TJP2: variants seen among roughly 807,000 people sequenced by gnomAD.
The protein encoded by TJP2 is Friedreich ataxia region gene X104 (tight junction protein ZO-2).
In TJP2, 91 loss-of-function variants were observed where a neutral mutation model predicts 133.1. The ratio of observed to expected loss-of-function variants is 0.68; its 90% confidence interval spans 0.58 to 0.81. The LOEUF (loss-of-function observed/expected upper bound fraction) is 0.81, where lower values mean the gene tolerates loss of function less well. Ranked by LOEUF, TJP2 falls within the 40% of genes least tolerant of loss-of-function variation. The pLI is 0.00. For synonymous variants in TJP2, 592 were observed against 583.4 expected (o/e 1.01, Z -0.21); for missense variants, 1,541 against 1,565.6 (o/e 0.98, Z 0.26).
At chr9:69,228,232 T>G in intron 9 of TJP2, 118 bp downstream of exon 9, 1 of 1,251,018 alleles carries the variant, frequency 8.0e-7, no homozygotes, top group Non-Finnish European at 1.1e-6. Flanking sequence ...TGGAGGCCAT[T>G]ATCCTAAGCT....
Position 69,248,102 on chromosome 9 carries a change from A to C in TJP2, c.2758A>C (p.Ser920Arg). 1.2e-6 allele frequency: 2 copies of C among 1,614,178 alleles called. No individual in the cohort carries two copies. Among genetic ancestry groups the C allele is most frequent in the Non-Finnish European group, 1.7e-6 (2 of 1,180,022 alleles). Residue 920 changes from serine to arginine, a missense_variant, in exon 19 of 23, where the codon AGT becomes CGT. Coordinates refer to ENST00000377245, the MANE Select transcript of TJP2 (RefSeq NM_004817.4). ...DYLSCDSRLI[S>R]DFEDTDGEGG... is the part of the protein sequence containing the mutation. ...TCTGAGTTGCGACAGCCGCCTCATCAGTGACTTTGAAGACACGGACGGTGA... is the reference window on the plus strand; with the variant it reads ...TCTGAGTTGCGACAGCCGCCTCATCCGTGACTTTGAAGACACGGACGGTGA...
chr9:69,164,134 C>T (rs939952497), intron 2 of TJP2, among the ~76,000 whole-genome samples: 8 of 152,162 alleles, frequency 5.3e-5, no homozygotes, highest in Non-Finnish European at 1.2e-4. Context: ...AGGCCAGTTT[C>T]CTTTGTTTAA....
intron 1 of TJP2, among the ~76,000 whole-genome samples, chr9:69,183,824 TCC>T (rs1388684041): frequency 6.6e-6 from 1 of 152,186 alleles, no homozygotes; most frequent in African/African-American, 2.4e-5. Flanking sequence ...GACCTGTGCC[TCC>T]CAGGTTCAAG....
chr9:69,180,576 G>A (rs1454081977), intron 1 of TJP2, among the ~76,000 whole-genome samples: 1 of 152,132 alleles, frequency 6.6e-6, no homozygotes, highest in African/African-American at 2.4e-5. Context: ...TGAGACCCTG[G>A]GTGGAGCTCT....
chr9:69,131,965 C>G (rs1420041811), intron 1 of TJP2, among the ~76,000 whole-genome samples: 1 of 152,176 alleles, frequency 6.6e-6, no homozygotes, highest in Non-Finnish European at 1.5e-5. Flanking sequence ...CTCAAAGATG[C>G]AAAGCAAAAT....
chr9:69,206,294 C>A (rs559749219), intron 1 of TJP2, among the ~76,000 whole-genome samples: 1 of 152,128 alleles, frequency 6.6e-6, no homozygotes, highest in Non-Finnish European at 1.5e-5. Flanking sequence ...CACCTCCCCC[C>A]ACAACTCCCC....
chr9:69,167,865 CAAAA>C (rs33986127), intron 2 of TJP2, among the ~76,000 whole-genome samples: 12 of 128,946 alleles, frequency 9.3e-5, no homozygotes, highest in African/African-American at 2.3e-4. Flanking sequence ...GAGAGTCTGT[CAAAA>C]AAAAAAAAAA....
chr9:69,176,789 G>A (rs1825125604), intron 1 of TJP2, among the ~76,000 whole-genome samples: 1 of 152,218 alleles, frequency 6.6e-6, no homozygotes, highest in Non-Finnish European at 1.5e-5. Context: ...GAAGGCAAGG[G>A]AGATTTTGAG....
chr9:69,225,997 A>G (rs766239437), intron 6 of TJP2, 25 bp from the exon 7 acceptor site: 1 of 1,613,322 alleles, frequency 6.2e-7, no homozygotes, highest in Non-Finnish European at 8.5e-7. Flanking sequence ...ATTGCATTTA[A>G]CATTACCATT....
intron 1 of TJP2, among the ~76,000 whole-genome samples, chr9:69,212,309 C>T (rs775622323): frequency 6.6e-6 from 1 of 152,176 alleles, no homozygotes; most frequent in African/African-American, 2.4e-5. Flanking sequence ...ACATTCCATT[C>T]TTTTTAGGGT....
intron 12 of TJP2, among the ~76,000 whole-genome samples, chr9:69,235,139 TAGAG>T (rs1326729135): frequency 6.6e-6 from 1 of 152,074 alleles, no homozygotes; most frequent in Non-Finnish European, 1.5e-5. Flanking sequence ...ATGGGCAAGA[TAGAG>T]ACTCAGGAGA....
chr9:69,248,142 C>T lies in TJP2; in HGVS notation c.2798C>T (p.Thr933Ile). The change falls in exon 19 of 23, where the codon ACT (threonine) becomes ATT (isoleucine). Residue 933 changes from threonine (T) to isoleucine (I), a missense_variant. Physicochemically the swap from Thr to Ile is moderately conservative, Grantham distance 89. Transcript: ENST00000377245. The stretch of plus-strand genomic sequence containing the variant: ...ACGGACGGTGAAGGAGGCGCCTACA[C>T]TGACAATGAGCTGGATGAGCCAGCC... ...EDTDGEGGAY[T>I]DNELDEPAEE... 1 of 1,614,172 alleles carries T rather than the reference C, an allele frequency of 6.2e-7. No homozygotes were observed. The highest frequency in any genetic ancestry group is 8.5e-7 in the Non-Finnish European group (1 of 1,180,030).
intron 1 of TJP2, 39 bp downstream of exon 1, chr9:69,174,471 C>CGTGAGT (rs1489293659): frequency 7.0e-7 from 1 of 1,428,016 alleles, no homozygotes; most frequent in Admixed American, 2.6e-5. Context: ...GGAGGAGGGT[C>CGTGAGT]GTGAGCGTGA....
At position 69,221,211 on chromosome 9, in the gene TJP2, C is replaced by T. The variant is rs781765865; in HGVS notation, c.667C>T (p.Arg223Trp). ...RDRSRGRSLE[R>W]GLDHDFGPSR... is the part of the protein sequence containing the mutation. Reference sequence around the variant, plus strand: ...CCGCAGCCGTGGCCGGAGCCTGGAGCGGGGCCTGGACCACGACTTTGGGCC... The same window carrying T: ...CCGCAGCCGTGGCCGGAGCCTGGAGTGGGGCCTGGACCACGACTTTGGGCC... The change falls in exon 5 of 23, where the codon CGG (arginine) becomes TGG (tryptophan). Residue 223 changes from arginine (R) to tryptophan (W), a missense_variant. Arg to Trp is a moderately radical substitution (Grantham distance 101). Coordinates refer to ENST00000377245, the MANE Select transcript of TJP2 (RefSeq NM_004817.4). 1.9e-6 allele frequency: 3 copies of T among 1,603,508 alleles called. No individual in the cohort carries two copies. The highest frequency in any genetic ancestry group is 1.7e-5 in the Admixed American group (1 of 59,202).
chr9:69,196,697 T>C (rs1346240269), intron 1 of TJP2, among the ~76,000 whole-genome samples: 1 of 152,144 alleles, frequency 6.6e-6, no homozygotes, highest in Non-Finnish European at 1.5e-5. Flanking sequence ...CACAGAGTTG[T>C]GTGGCCATCA....
intron 16 of TJP2, among the ~76,000 whole-genome samples, 190 bp downstream of exon 16, chr9:69,238,979 G>C (rs985848988): frequency 1.3e-5 from 2 of 152,134 alleles, no homozygotes; most frequent in African/African-American, 4.8e-5. Context: ...CCTGAGGTCA[G>C]GAGTTCGAGA....
At chr9:69,216,532 T>G in intron 3 of TJP2, 69 bp downstream of exon 3, 1 of 1,556,832 alleles carries the variant, frequency 6.4e-7, no homozygotes, top group Non-Finnish European at 8.8e-7. Flanking sequence ...GGTATTTTGG[T>G]TGGTGTCCAC....
At chr9:69,222,178 CTT>C (rs34092260) in intron 5 of TJP2, among the ~76,000 whole-genome samples, 123 of 140,252 alleles carry the variant, frequency 8.8e-4, no homozygotes, top group African/African-American at 1.7e-3. Flanking sequence ...GGCCAGCTAA[CTT>C]TTTTTTTTTT....
intron 1 of TJP2, among the ~76,000 whole-genome samples, chr9:69,183,073 A>G (rs1416872366): frequency 6.6e-6 from 1 of 152,058 alleles, no homozygotes; most frequent in Non-Finnish European, 1.5e-5. Context: ...CTGGAATTAC[A>G]GGCGTGAGCC....
Sources: allele counts gnomAD v4.1 joint callset (sites outside exome capture counted in the v4.1 genomes callset), GRCh38; gene constraint gnomAD v4.1.1; transcripts MANE v1.5; gene names NCBI Gene and HGNC (gene_info 2026-07-23, HGNC 2026-07-21).